Variants in KCNK1 observed in about 807,000 individuals in gnomAD.
The protein encoded by KCNK1 is potassium channel subfamily K member 1.
A neutral mutation model predicts 22.2 loss-of-function variants in KCNK1; 10 were observed. The observed-to-expected ratio is 0.45, with a 90% CI of 0.28 to 0.76. The LOEUF (loss-of-function observed/expected upper bound fraction) is 0.76, where lower values mean the gene tolerates loss of function less well. Among genes scored for constraint, KCNK1 ranks in the 30% least tolerant of loss-of-function variants. The probability of loss-of-function intolerance (pLI) is 0.14; values close to 1 mark genes in which losing one functional copy is unlikely to be tolerated. For synonymous variants in KCNK1, 200 were observed against 186.4 expected (o/e 1.07, Z -0.60); for missense variants, 378 against 421.0 (o/e 0.90, Z 0.89).
chr1:233,616,285 T>C (rs1249985544), intron 1 of KCNK1, among the ~76,000 whole-genome samples: 1 of 152,234 alleles, frequency 6.6e-6, no homozygotes, highest in Admixed American at 6.5e-5. Flanking sequence ...AGAACAAGAA[T>C]AAGAACAGTT....
chr1:233,638,214 C>A (rs1657936502), intron 1 of KCNK1, among the ~76,000 whole-genome samples: 1 of 152,066 alleles, frequency 6.6e-6, no homozygotes, highest in Non-Finnish European at 1.5e-5. Context: ...CTCCTTCTTC[C>A]CCTGACTCCA....
intron 1 of KCNK1, chr1:233,629,911 C>T (rs925359945): frequency 2.6e-4 from 40 of 152,166 alleles, no homozygotes; most frequent in Admixed American, 1.9e-3. Context: ...ACTAGAAAGC[C>T]TGGGTGAGTA....
chr1:233,650,013 A>G lies in KCNK1; in HGVS notation c.356-16582A>G, dbSNP rs533380011. 31 of 533,436 alleles carry G rather than the reference A, an allele frequency of 5.8e-5. No individual in the cohort carries two copies. In the East Asian group the frequency reaches 1.1e-3, roughly 20 times the overall value. 33.0% of individuals were successfully genotyped at this position (533,436 alleles called of 1,614,324 possible). ...GGCTGTGAGAGCCTTTCAAGTGCCT[A>G]AAGGAGAGAGCTTGAACTTCCCTGA... On this transcript the variant is annotated intron_variant, in intron 1 of 2. Coordinates refer to ENST00000366621, the MANE Select transcript of KCNK1 (RefSeq NM_002245.4).
chr1:233,634,701 T>G (rs1214762395), intron 1 of KCNK1, among the ~76,000 whole-genome samples: 1 of 152,236 alleles, frequency 6.6e-6, no homozygotes, highest in Non-Finnish European at 1.5e-5. Context: ...GGTTATTCTT[T>G]AGTAATAAGG....
At chr1:233,648,520 G>A (rs530711384) in intron 1 of KCNK1, among the ~76,000 whole-genome samples, 11 of 151,080 alleles carry the variant, frequency 7.3e-5, no homozygotes, top group East Asian at 3.9e-4. Context: ...CAAACTCTCC[G>A]TGGGTTATAA....
Position 233,648,713 on chromosome 1 carries a change from C to T in KCNK1, c.356-17882C>T, listed in dbSNP as rs1002478863. Among the ~76,000 whole-genome samples, 9 of 152,100 alleles carry T rather than the reference C, an allele frequency of 5.9e-5. No individual in the cohort carries two copies. In the South Asian group the frequency reaches 6.2e-4, roughly 11 times the overall value. On this transcript the variant is annotated intron_variant, in intron 1 of 2. Coordinates refer to ENST00000366621, the MANE Select transcript of KCNK1 (RefSeq NM_002245.4). ...TCTTGAGTAGCTGGGATTACAGACG[C>T]GCACCACCACACCCGGCTGATTTTT...
At chr1:233,656,291 T>C (rs1658293939) in intron 1 of KCNK1, among the ~76,000 whole-genome samples, 1 of 152,224 alleles carries the variant, frequency 6.6e-6, no homozygotes, top group Admixed American at 6.5e-5. Context: ...AAATGTTGCA[T>C]ATTGCTCTTT....
At chr1:233,633,781 A>T (rs552704492) in intron 1 of KCNK1, among the ~76,000 whole-genome samples, 1 of 152,304 alleles carries the variant, frequency 6.6e-6, no homozygotes, top group Non-Finnish European at 1.5e-5. Context: ...AGATACAAAC[A>T]GCCCATGATT....
intron 1 of KCNK1, among the ~76,000 whole-genome samples, chr1:233,652,081 C>T (rs1360220424): frequency 6.6e-6 from 1 of 152,038 alleles, no homozygotes; most frequent in Non-Finnish European, 1.5e-5. Context: ...GCAAACAGGG[C>T]CAAGCAACAA....
At chr1:233,644,643 ATGTAAGAC>A (rs1415902738) in intron 1 of KCNK1, among the ~76,000 whole-genome samples, 2 of 151,472 alleles carry the variant, frequency 1.3e-5, no homozygotes, top group African/African-American at 2.4e-5. Flanking sequence ...GGTGCCAGTC[ATGTAAGAC>A]TGAGTGCAGA....
chr1:233,656,448 G>A (rs1658296152), intron 1 of KCNK1, among the ~76,000 whole-genome samples: 1 of 152,194 alleles, frequency 6.6e-6, no homozygotes, highest in Non-Finnish European at 1.5e-5. Flanking sequence ...ACTGCAGGCA[G>A]TGTCAGCTGC....
Position 233,614,162 on chromosome 1 carries a change from G to GGCT in KCNK1, c.-9_-8insCTG. The GGCT allele has an allele frequency of 8.3e-7, 1 of 1,206,622 alleles. No homozygotes were observed. Among genetic ancestry groups the GGCT allele is most frequent in the Non-Finnish European group, 1.1e-6 (1 of 899,018 alleles). 74.7% of individuals were successfully genotyped at this position (1,206,622 alleles called of 1,614,324 possible). ...CTGCGGCGTTGGCCTTGGCGGCGGC[G>GGCT]GTGGAGAAGATGCTGCAGTCCCTGG... On this transcript the variant is annotated 5_prime_UTR_variant, in exon 1 of 3. Coordinates refer to ENST00000366621, the MANE Select transcript of KCNK1 (RefSeq NM_002245.4).
Position 233,671,506 on chromosome 1 carries a change from C to T in KCNK1, c.987C>T (p.Cys329=), listed in dbSNP as rs754831522. The change falls in exon 3 of 3, where the codon TGC becomes TGT. Residue 329 remains cysteine, a synonymous_variant. Coordinates refer to ENST00000366621, the MANE Select transcript of KCNK1 (RefSeq NM_002245.4). The stretch of plus-strand genomic sequence containing the variant: ...TTGTGGCCACCCAGTCATCTGCCTG[C>T]GTGGATGGCCCTGCAAACCATTGAG... ...EPFVATQSSA[C]VDGPANH The T allele has an allele frequency of 4.3e-5, 69 of 1,613,934 alleles. No individual in the cohort carries two copies. The Middle Eastern group carries it at 5.0e-4, about 12-fold the overall frequency.
intron 1 of KCNK1, among the ~76,000 whole-genome samples, chr1:233,629,034 C>CT (rs1171066814): frequency 1.3e-5 from 2 of 152,230 alleles, no homozygotes; most frequent in South Asian, 2.1e-4. Context: ...CCTTCTAACT[C>CT]TAACATTTTA....
chr1:233,649,415 C>A (rs953262), intron 1 of KCNK1, among the ~76,000 whole-genome samples: 2 of 152,050 alleles, frequency 1.3e-5, no homozygotes, highest in Non-Finnish European at 2.9e-5. Context: ...TCTACTCTTG[C>A]ATGAAGAAAT....
At chr1:233,619,683 A>T (rs985864963) in intron 1 of KCNK1, among the ~76,000 whole-genome samples, 66 of 152,154 alleles carry the variant, frequency 4.3e-4, no homozygotes, top group African/African-American at 1.5e-3. Context: ...AAGCCGAGGC[A>T]GGTGGATCAC....
At chr1:233,654,203 G>A (rs1006384730) in intron 1 of KCNK1, among the ~76,000 whole-genome samples, 3 of 152,000 alleles carry the variant, frequency 2.0e-5, no homozygotes, top group Non-Finnish European at 4.4e-5. Flanking sequence ...CATCGGGGTG[G>A]GGGGGAAAGG....
intron 1 of KCNK1, among the ~76,000 whole-genome samples, chr1:233,621,849 G>T (rs1427558429): frequency 6.6e-6 from 1 of 151,042 alleles, no homozygotes; most frequent in African/African-American, 2.4e-5. Context: ...ACATAACTGT[G>T]AGTCCTATCA....
chr1:233,626,235 T>G (rs1164530973), intron 1 of KCNK1, among the ~76,000 whole-genome samples: 1 of 151,466 alleles, frequency 6.6e-6, no homozygotes, highest in Non-Finnish European at 1.5e-5. Context: ...ATGTGAGGGG[T>G]AAAAGAAAGA....
Sources: gnomAD v4.1 joint callset for allele counts (sites outside exome capture counted in the v4.1 genomes callset) on GRCh38, gnomAD v4.1.1 for gene constraint, MANE v1.5 for transcripts, NCBI Gene and HGNC (gene_info 2026-07-23, HGNC 2026-07-21) for gene names.